Variants in OR2B2 observed in about 807,000 individuals in gnomAD.
The protein encoded by OR2B2 is olfactory receptor 2B2.
For synonymous variants in OR2B2, 137 were observed against 150.9 expected (o/e 0.91, Z 0.67); for missense variants, 362 against 422.4 (o/e 0.86, Z 1.25).
rs772578428 is a variant in OR2B2, at chr6:27,911,975, CAGG to C, written c.342_344del (p.Leu115del). The C allele has an allele frequency of 6.2e-7, 1 of 1,614,134 alleles. No individual in the cohort carries two copies. The highest frequency in any genetic ancestry group is 1.1e-5 in the South Asian group (1 of 91,086). Reference sequence around the variant, plus strand: ...CAAACCTATCAAAGCACATGACGGCCAGGAGAAGACATTCTGTGGAACCCAAGG... The same window carrying C: ...CAAACCTATCAAAGCACATGACGGCCAGAAGACATTCTGTGGAACCCAAGG... On this transcript the variant is annotated inframe_deletion, in exon 1 of 1. Transcript: ENST00000303324.
Position 27,911,789 on chromosome 6 carries a change from G to C in OR2B2, c.531C>G (p.Phe177Leu). The change falls in exon 1 of 1, where the codon TTC becomes TTG. Residue 177 changes from phenylalanine (F) to leucine (L), a missense_variant. By Grantham distance (22) the Phe-to-Leu change is conservative. Coordinates refer to ENST00000303324, the MANE Select transcript of OR2B2 (RefSeq NM_033057.2). ...PLCGHKEVDH[F>L]FCEVPALLKL... Reference sequence around the variant, plus strand: ...TGAGCAGAGCAGGGACTTCACAGAAGAAGTGATCCACTTCTTTGTGACCAC... The same window carrying C: ...TGAGCAGAGCAGGGACTTCACAGAACAAGTGATCCACTTCTTTGTGACCAC... 1 of 1,614,124 alleles carries C rather than the reference G, an allele frequency of 6.2e-7. No homozygotes were observed. Among genetic ancestry groups the C allele is most frequent in the Non-Finnish European group, 8.5e-7 (1 of 1,179,990 alleles).
In OR2B2 at chr6:27,912,377, C is replaced by T; in HGVS notation, c.-58G>A. 1 of 1,049,290 alleles carries T rather than the reference C, an allele frequency of 9.5e-7. No homozygotes were observed. The highest frequency in any genetic ancestry group is 1.4e-6 in the Non-Finnish European group (1 of 715,940). 65.0% of individuals were successfully genotyped at this position (1,049,290 alleles called of 1,614,324 possible). A position where few individuals can be genotyped will look rare whatever the true frequency, so the allele number is the denominator to read the frequency against. Reference sequence around the variant, plus strand: ...ATAAGAAGTCAGGAAGTTAACAACACACTTCCTGATTTTGTCAGCTATAAT... The same window carrying T: ...ATAAGAAGTCAGGAAGTTAACAACATACTTCCTGATTTTGTCAGCTATAAT... On this transcript the variant is annotated 5_prime_UTR_variant, in exon 1 of 1. It adds an upstream start codon to the 5' untranslated region. Transcript: ENST00000303324.
rs201669058 is a variant in OR2B2 at position 27,911,653 on chromosome 6, G to A, written c.667C>T (p.Gln223Ter). The change falls in exon 1 of 1, where the codon CAA becomes TAA. Residue 223 changes from glutamine (Q) to a stop codon, truncating the protein, a stop_gained. Coordinates refer to ENST00000303324, the MANE Select transcript of OR2B2 (RefSeq NM_033057.2). LOFTEE classifies it low-confidence loss of function (END_TRUNC). ...LILISYAFIV[Q>*]AVLRIQSAEG... Reference sequence around the variant, plus strand: ...GCAGACTGGATTCTCAACACTGCTTGGACAATAAAAGCATACGATATAAGG... The same window carrying A: ...GCAGACTGGATTCTCAACACTGCTTAGACAATAAAAGCATACGATATAAGG... 3.7e-6 allele frequency: 6 copies of A among 1,613,504 alleles called. No homozygotes were observed. Among genetic ancestry groups the A allele is most frequent in the Non-Finnish European group, 5.1e-6 (6 of 1,179,944 alleles).
Position 27,911,345 on chromosome 6 carries a change from G to T in OR2B2, c.975C>A (p.Asp325Glu). 6.2e-7 allele frequency: 1 copy of T among 1,613,918 alleles called. No homozygotes were observed. Among genetic ancestry groups the T allele is most frequent in the African/African-American group, 1.3e-5 (1 of 75,018 alleles). ...AGTTAGTAAGGTAAGTAAGCACTGT[G>T]TCTTTAGCAAAGCTTATCATTTGCA... Reference protein sequence around the residue: ...RNMQMISFAKDTVLTYLTNFS... With the variant: ...RNMQMISFAKETVLTYLTNFS... Residue 325 changes from aspartate (D) to glutamate (E), a missense_variant, in exon 1 of 1, where the codon GAC becomes GAA. Coordinates refer to ENST00000303324, the MANE Select transcript of OR2B2 (RefSeq NM_033057.2).
chr6:27,911,903 C>T lies in OR2B2; in HGVS notation c.417G>A (p.Arg139=), dbSNP rs1561758749. 2.0e-5 allele frequency: 32 copies of T among 1,614,082 alleles called. No individual in the cohort carries two copies. The East Asian group carries it at 7.1e-4, about 36-fold the overall frequency. ...PLHYSIIMHQ[R]LCFQLAAASW... is the part of the protein sequence containing the mutation. Reference sequence around the variant, plus strand: ...ATGCAGCTGCCAACTGGAAGCAGAGCCTCTGGTGCATGATAATTGAGTAAT... The same window carrying T: ...ATGCAGCTGCCAACTGGAAGCAGAGTCTCTGGTGCATGATAATTGAGTAAT... Residue 139 remains arginine, a synonymous_variant, in exon 1 of 1, where the codon AGG becomes AGA. Transcript: ENST00000303324.
chr6:27,912,258 G>C lies in OR2B2; in HGVS notation c.62C>G (p.Pro21Arg). Reference protein sequence around the residue: ...EFILLVFSDQPWLEIPPFVMF... With the variant: ...EFILLVFSDQRWLEIPPFVMF... ...CACAAAGGGTGGAATCTCTAGCCAT[G>C]GTTGATCTGAGAAAACTAACAGAAT... The change falls in exon 1 of 1, where the codon CCA becomes CGA. Residue 21 changes from proline (P) to arginine (R), a missense_variant. Transcript: ENST00000303324. The C allele has an allele frequency of 5.6e-6, 9 of 1,613,726 alleles. No individual in the cohort carries two copies. Among genetic ancestry groups the C allele is most frequent in the Non-Finnish European group, 7.6e-6 (9 of 1,179,796 alleles).
rs1407491928 is a variant in OR2B2, at chr6:27,911,680, T to A, written c.640A>T (p.Ile214Phe). The change falls in exon 1 of 1, where the codon ATC becomes TTC. Residue 214 changes from isoleucine to phenylalanine, a missense_variant. Physicochemically the swap from Ile to Phe is conservative, Grantham distance 21. Coordinates refer to ENST00000303324, the MANE Select transcript of OR2B2 (RefSeq NM_033057.2). ...VLFLLIPVTL[I>F]LISYAFIVQA... is the part of the protein sequence containing the mutation. ...ACAATAAAAGCATACGATATAAGGATGAGTGTCACGGGTATTAGAAGGAAT... is the reference window on the plus strand; with the variant it reads ...ACAATAAAAGCATACGATATAAGGAAGAGTGTCACGGGTATTAGAAGGAAT... The A allele has an allele frequency of 6.2e-7, 1 of 1,613,950 alleles. No individual in the cohort carries two copies. Among genetic ancestry groups the A allele is most frequent in the East Asian group, 2.2e-5 (1 of 44,876 alleles).
rs1176963889 is a variant in OR2B2, at chr6:27,911,304, G to A, written c.1016C>T (p.Pro339Leu). 5.6e-6 allele frequency: 9 copies of A among 1,605,296 alleles called. No homozygotes were observed. Among genetic ancestry groups the A allele is most frequent in the Admixed American group, 1.7e-5 (1 of 57,764 alleles). Residue 339 changes from proline to leucine, a missense_variant, in exon 1 of 1, where the codon CCT becomes CTT. Coordinates refer to ENST00000303324, the MANE Select transcript of OR2B2 (RefSeq NM_033057.2). The part of the protein sequence containing the change: ...TYLTNFSASC[P>L]IFVITIENYC... Reference sequence around the variant, plus strand: ...GTTTTCTATAGTAATGACAAAAATAGGACAACTTGCGGAGAAGTTAGTAAG... The same window carrying A: ...GTTTTCTATAGTAATGACAAAAATAAGACAACTTGCGGAGAAGTTAGTAAG...
rs758315013 is a variant in OR2B2 at position 27,911,495 on chromosome 6, A to G, written c.825T>C (p.Ser275=). ...PSSKDRGKMV[S]LFCGIIAPML... is the part of the protein sequence containing the mutation. ...TGGGTGCAATGATTCCACAGAAGAG[A>G]GAAACCATCTTTCCCCGGTCTTTGG... The change falls in exon 1 of 1, where the codon TCT becomes TCC. Residue 275 remains serine, a synonymous_variant. Transcript: ENST00000303324. The G allele has an allele frequency of 7.4e-6, 12 of 1,614,066 alleles. No individual in the cohort carries two copies. In the African/African-American group the frequency reaches 1.5e-4, roughly 20 times the overall value.
In OR2B2 at chr6:27,912,302, C is replaced by T; in HGVS notation, c.18G>A (p.Lys6=). The change falls in exon 1 of 1, where the codon AAG becomes AAA. Residue 6 remains lysine (K), a synonymous_variant. Coordinates refer to ENST00000303324, the MANE Select transcript of OR2B2 (RefSeq NM_033057.2). MNWVN[K]SVPQEFILLV... ...ACAGAATGAACTCCTGTGGGACACT[C>T]TTATTTACCCAATTCATGTTAAATG... 6.3e-7 allele frequency: 1 copy of T among 1,594,354 alleles called. No individual in the cohort carries two copies. Among genetic ancestry groups the T allele is most frequent in the Non-Finnish European group, 8.5e-7 (1 of 1,170,024 alleles).
rs147920845 is a variant in OR2B2 at position 27,911,617 on chromosome 6, G to A, written c.703C>T (p.Arg235Ter). The change falls in exon 1 of 1, where the codon CGA (arginine) becomes TGA (stop). Residue 235 changes from arginine (R) to a stop codon, truncating the protein, a stop_gained. Coordinates refer to ENST00000303324, the MANE Select transcript of OR2B2 (RefSeq NM_033057.2). LOFTEE classifies it low-confidence loss of function (END_TRUNC). The part of the protein sequence containing the change: ...VLRIQSAEGQ[R>*]KAFGTCGSHL... ...GAGCCACATGTCCCAAATGCCTTTC[G>A]TTGACCTTCAGCAGACTGGATTCTC... 1.2e-4 allele frequency: 189 copies of A among 1,613,998 alleles called. No homozygotes were observed. Among genetic ancestry groups the A allele is most frequent in the Middle Eastern group, 8.2e-4 (5 of 6,078 alleles).
rs1312686584 is a variant in OR2B2, at chr6:27,911,998, C to T, written c.322G>A (p.Gly108Ser). The change falls in exon 1 of 1, where the codon GGT becomes AGT. Residue 108 changes from glycine (G) to serine (S), a missense_variant. Gly to Ser is a moderately conservative substitution (Grantham distance 56, BLOSUM62 0). Coordinates refer to ENST00000303324, the MANE Select transcript of OR2B2 (RefSeq NM_033057.2). Reference protein sequence around the residue: ...VAQLFIFLALGSTECLLLAVM... With the variant: ...VAQLFIFLALSSTECLLLAVM... ...GCCAGGAGAAGACATTCTGTGGAAC[C>T]CAAGGCCAGGAAAATGAAAAGCTGG... 1.9e-6 allele frequency: 3 copies of T among 1,614,058 alleles called. No homozygotes were observed. The highest frequency in any genetic ancestry group is 2.2e-5 in the East Asian group (1 of 44,898).
At position 27,911,511 on chromosome 6, in the gene OR2B2, C is replaced by G. The variant is rs78401135; in HGVS notation, c.809G>C (p.Arg270Pro). The part of the protein sequence containing the change: ...LQPPSPSSKD[R>P]GKMVSLFCGI... The stretch of plus-strand genomic sequence containing the variant: ...ACAGAAGAGAGAAACCATCTTTCCC[C>G]GGTCTTTGGAGCTGGGTGAAGGTGG... The change falls in exon 1 of 1, where the codon CGG becomes CCG. Residue 270 changes from arginine to proline, a missense_variant. Physicochemically the swap from Arg to Pro is moderately radical, Grantham distance 103. Coordinates refer to ENST00000303324, the MANE Select transcript of OR2B2 (RefSeq NM_033057.2). 6.2e-7 allele frequency: 1 copy of G among 1,614,000 alleles called. No individual in the cohort carries two copies. The highest frequency in any genetic ancestry group is 1.3e-5 in the African/African-American group (1 of 74,904).
rs752446861 is a variant in OR2B2 at position 27,912,278 on chromosome 6, CAG to C, written c.40_41del (p.Leu14ValfsTer50). The C allele has an allele frequency of 1.2e-6, 2 of 1,612,564 alleles. No individual in the cohort carries two copies. The highest frequency in any genetic ancestry group is 4.5e-5 in the East Asian group (2 of 44,874). ...GCCATGGTTGATCTGAGAAAACTAA[CAG>C]AATGAACTCCTGTGGGACACTCTTA... Reference protein sequence around the residue: ...VNKSVPQEFILLVFSDQPWLE... With the variant: ...VNKSVPQEFIXLVFSDQPWLE... On this transcript the variant is annotated frameshift_variant, in exon 1 of 1. Transcript: ENST00000303324. LOFTEE classifies it low-confidence loss of function (END_TRUNC).
rs1303131364 is a variant in OR2B2 at position 27,911,538 on chromosome 6, T to C, written c.782A>G (p.Gln261Arg). The part of the protein sequence containing the change: ...FYGTAISMYL[Q>R]PPSPSSKDRG... ...GTCTTTGGAGCTGGGTGAAGGTGGT[T>C]GCAGGTACATGGAGATAGCTGTACC... Residue 261 changes from glutamine (Q) to arginine (R), a missense_variant, in exon 1 of 1, where the codon CAA becomes CGA. Physicochemically the swap from Gln to Arg is conservative, Grantham distance 43. Transcript: ENST00000303324. 2 of 1,614,018 alleles carry C rather than the reference T, an allele frequency of 1.2e-6. No homozygotes were observed. The highest frequency in any genetic ancestry group is 1.7e-6 in the Non-Finnish European group (2 of 1,179,996).
chr6:27,911,305 G>T lies in OR2B2; in HGVS notation c.1015C>A (p.Pro339Thr), dbSNP rs1215690271. 4 of 1,605,586 alleles carry T rather than the reference G, an allele frequency of 2.5e-6. No homozygotes were observed. The African/African-American group carries it at 5.4e-5, about 22-fold the overall frequency. ...TTTTCTATAGTAATGACAAAAATAG[G>T]ACAACTTGCGGAGAAGTTAGTAAGG... ...TYLTNFSASC[P>T]IFVITIENYC... The change falls in exon 1 of 1, where the codon CCT becomes ACT. Residue 339 changes from proline to threonine, a missense_variant. Coordinates refer to ENST00000303324, the MANE Select transcript of OR2B2 (RefSeq NM_033057.2).
Position 27,912,067 on chromosome 6 carries a change from T to G in OR2B2, c.253A>C (p.Ile85Leu). The G allele has an allele frequency of 6.2e-7, 1 of 1,614,198 alleles. No homozygotes were observed. The highest frequency in any genetic ancestry group is 1.3e-5 in the African/African-American group (1 of 75,042). Residue 85 changes from isoleucine (I) to leucine (L), a missense_variant, in exon 1 of 1, where the codon ATA (isoleucine) becomes CTA (leucine). Ile to Leu is a conservative substitution (Grantham distance 5). Transcript: ENST00000303324. ...TSTVPQMLVN[I>L]CNTRKVISYG... ...CTGATTACTTTCCTGGTGTTGCATA[T>G]GTTTACCAGCATTTGTGGAACTGTA...
rs958294160 is a variant in OR2B2, at chr6:27,911,350, T to C, written c.970A>G (p.Lys324Glu). ...GTAAGGTAAGTAAGCACTGTGTCTT[T>C]AGCAAAGCTTATCATTTGCATATTT... is the stretch of plus-strand genomic sequence containing the variant. ...IRNMQMISFA[K>E]DTVLTYLTNF... Residue 324 changes from lysine (K) to glutamate (E), a missense_variant, in exon 1 of 1, where the codon AAA (lysine) becomes GAA (glutamate). By Grantham distance (56) the Lys-to-Glu change is moderately conservative (BLOSUM62 1). Transcript: ENST00000303324. 1.2e-6 allele frequency: 2 copies of C among 1,613,928 alleles called. No individual in the cohort carries two copies. Among genetic ancestry groups the C allele is most frequent in the Non-Finnish European group, 1.7e-6 (2 of 1,179,850 alleles).
chr6:27,912,381 T>G lies in OR2B2; in HGVS notation c.-62A>C. ...GAAGTCAGGAAGTTAACAACACACT[T>G]CCTGATTTTGTCAGCTATAATCATT... On this transcript the variant is annotated 5_prime_UTR_variant, in exon 1 of 1. Transcript: ENST00000303324. 1 of 1,013,640 alleles carries G rather than the reference T, an allele frequency of 9.9e-7. No homozygotes were observed. Among genetic ancestry groups the G allele is most frequent in the South Asian group, 1.6e-5 (1 of 61,868 alleles). 62.8% of individuals were successfully genotyped at this position (1,013,640 alleles called of 1,614,324 possible).
Sources: allele counts gnomAD v4.1 joint callset, GRCh38; gene constraint gnomAD v4.1.1; transcripts MANE v1.5; gene names NCBI Gene and HGNC (gene_info 2026-07-23, HGNC 2026-07-21).